RBM43: variants seen among roughly 807,000 people sequenced by gnomAD.
RBM43 encodes RNA binding motif protein 43, also known as RNA-binding protein 43.
Under a neutral mutation model 12.4 loss-of-function variants are expected in RBM43, and 12 were observed. The observed-to-expected ratio is 0.97, with a 90% confidence interval of 0.62 to 1.57. The LOEUF (loss-of-function observed/expected upper bound fraction) is 1.57, where lower values mean the gene tolerates loss of function less well. Ranked by LOEUF, RBM43 falls within the 40% of genes most tolerant of loss-of-function variation. RBM43 has a pLI of 0.00. For missense variants in RBM43, 348 were observed against 400.1 expected, an observed-to-expected ratio of 0.87 and a Z score of 1.11; for synonymous variants, 138 against 145.7, an observed-to-expected ratio of 0.95 and a Z score of 0.38.
chr2:151,248,426 C>T lies in RBM43; in HGVS notation c.*2480G>A, dbSNP rs1240149569. The T allele has an allele frequency of 2.0e-5, 3 of 151,704 alleles. No individual in the cohort carries two copies. The highest frequency in any genetic ancestry group is 2.9e-5 in the Non-Finnish European group (2 of 67,946). 9.4% of individuals were successfully genotyped at this position (151,704 alleles called of 1,614,324 possible). On this transcript the variant is annotated 3_prime_UTR_variant, in exon 4 of 4. Transcript: ENST00000331426. Reference sequence around the variant, plus strand: ...TTATTTAAGTAGTATGTTAGAATAGCTGTTTAGAGAAGGATAAAGAGGGGA... The same window carrying T: ...TTATTTAAGTAGTATGTTAGAATAGTTGTTTAGAGAAGGATAAAGAGGGGA...
Position 151,250,626 on chromosome 2 carries a change from GT to G in RBM43, c.*279del, listed in dbSNP as rs1198114865. On this transcript the variant is annotated 3_prime_UTR_variant, in exon 4 of 4. Coordinates refer to ENST00000331426, the MANE Select transcript of RBM43 (RefSeq NM_198557.3). ...AAAAAAAAAAAAAAAAGTTTGGTGAGTTTTTTTCAAAGTTTTATTCCTTAGA... is the reference window on the plus strand; with the variant it reads ...AAAAAAAAAAAAAAAAGTTTGGTGAGTTTTTTCAAAGTTTTATTCCTTAGA... 4 of 244,562 alleles carry G rather than the reference GT, an allele frequency of 1.6e-5. No homozygotes were observed. The highest frequency in any genetic ancestry group is 3.1e-5 in the Non-Finnish European group (4 of 129,786). 15.1% of individuals were successfully genotyped at this position (244,562 alleles called of 1,614,324 possible). A position where few individuals can be genotyped will look rare whatever the true frequency, so the allele number is the denominator to read the frequency against.
rs376155849 is a variant in RBM43, at chr2:151,257,770, T to C, written c.4-2027A>G. Among the ~76,000 whole-genome samples the C allele has an allele frequency of 5.1e-4, 77 of 150,564 alleles. No homozygotes were observed. The South Asian group carries it at 6.5e-3, about 13-fold the overall frequency. On this transcript the variant is annotated intron_variant, in intron 1 of 3. Coordinates refer to ENST00000331426, the MANE Select transcript of RBM43 (RefSeq NM_198557.3). ...CACAGGAGAGTTCAACAAATGAAGA[T>C]TGAAAACACATGGAAGTGGCCGGGC...
Position 151,250,547 on chromosome 2 carries a change from C to T in RBM43, c.*359G>A, listed in dbSNP as rs539872812. 1.6e-4 allele frequency: 23 copies of T among 145,876 alleles called. No homozygotes were observed. The highest frequency in any genetic ancestry group is 4.6e-4 in the African/African-American group (17 of 37,070). 9.0% of individuals were successfully genotyped at this position (145,876 alleles called of 1,614,324 possible). On this transcript the variant is annotated 3_prime_UTR_variant, in exon 4 of 4. Transcript: ENST00000331426. Reference sequence around the variant, plus strand: ...CCAGGAGGTGGACGTTGCAGTGAGCCGAGATCACGCCACTGCACTCCAGCC... The same window carrying T: ...CCAGGAGGTGGACGTTGCAGTGAGCTGAGATCACGCCACTGCACTCCAGCC...
At position 151,251,468 on chromosome 2, in the gene RBM43, CA is replaced by C. The variant is rs1305223666; in HGVS notation, c.511del (p.Cys171ValfsTer4). ...RLRESLLARA[C>X]SLLEKDRNFT... ...ATTTCTGTCTTTTTCTAAGAGAGAA[CA>C]TGCTCTTGCTAGCAAAGATTCTCTG... On this transcript the variant is annotated frameshift_variant, in exon 4 of 4. Transcript: ENST00000331426. LOFTEE classifies it low-confidence loss of function (END_TRUNC). The C allele has an allele frequency of 6.2e-7, 1 of 1,614,086 alleles. No homozygotes were observed. Among genetic ancestry groups the C allele is most frequent in the Non-Finnish European group, 8.5e-7 (1 of 1,179,922 alleles).
intron 3 of RBM43, 152 bp downstream of exon 3, chr2:151,252,603 C>T (rs1682916506): frequency 2.0e-6 from 1 of 497,070 alleles, no homozygotes; most frequent in African/African-American, 1.9e-5. Context: ...TTTCAAGGGC[C>T]AGGGTTGGCC....
At chr2:151,257,144 T>TAC (rs1682985479) in intron 1 of RBM43, among the ~76,000 whole-genome samples, 1 of 152,316 alleles carries the variant, frequency 6.6e-6, no homozygotes, top group Admixed American at 6.5e-5. Flanking sequence ...TGTCCTAAGC[T>TAC]ACCCAGGGTT....
Position 151,250,706 on chromosome 2 carries a change from A to G in RBM43, c.*200T>C, listed in dbSNP as rs561131562. On this transcript the variant is annotated 3_prime_UTR_variant, in exon 4 of 4. Coordinates refer to ENST00000331426, the MANE Select transcript of RBM43 (RefSeq NM_198557.3). Reference sequence around the variant, plus strand: ...CTAAGCCACAGCCTCATTCTTTGTCAACTGGATAACTTCAGAAAAGTGTTT... The same window carrying G: ...CTAAGCCACAGCCTCATTCTTTGTCGACTGGATAACTTCAGAAAAGTGTTT... The G allele has an allele frequency of 5.8e-4, 272 of 468,940 alleles. 3 individuals carry two copies. The Middle Eastern group carries it at 9.5e-3, about 16-fold the overall frequency. The allele number at this position is 468,940 out of a possible 1,614,324, so 29.0% of individuals were successfully genotyped here. A position where few individuals can be genotyped will look rare whatever the true frequency, so the allele number is the denominator to read the frequency against.
intron 2 of RBM43, 91 bp from the exon 3 acceptor site, chr2:151,252,946 G>A (rs1261438440): frequency 3.5e-6 from 2 of 573,532 alleles, no homozygotes; most frequent in Middle Eastern, 3.5e-4. Context: ...ATAGAAGAAT[G>A]TCTAAGATTT....
In RBM43 at chr2:151,250,925, A is replaced by G. The variant is rs1682891429; in HGVS notation, c.1055T>C (p.Ile352Thr). 4.4e-6 allele frequency: 7 copies of G among 1,595,852 alleles called. No homozygotes were observed. Among genetic ancestry groups the G allele is most frequent in the Admixed American group, 3.5e-5 (2 of 57,220 alleles). Residue 352 changes from isoleucine (I) to threonine (T), a missense_variant, in exon 4 of 4, where the codon ATA becomes ACA. By Grantham distance (89) the Ile-to-Thr change is moderately conservative. Coordinates refer to ENST00000331426, the MANE Select transcript of RBM43 (RefSeq NM_198557.3). Reference protein sequence around the residue: ...YLFKKGVMKLIGQKVS With the variant: ...YLFKKGVMKLTGQKVS ...ATTTTATTAACTAACCTTTTGCCCT[A>G]TTAATTTCATGACCCCTTTTTTAAA...
rs1272767276 is a variant in RBM43 at position 151,249,569 on chromosome 2, G to A, written c.*1337C>T. On this transcript the variant is annotated 3_prime_UTR_variant, in exon 4 of 4. Coordinates refer to ENST00000331426, the MANE Select transcript of RBM43 (RefSeq NM_198557.3). ...CCGGCTAATTTTTGTATTTTTAGTAGAGATGGGGTTTTACCATGTTAGCCA... is the reference window on the plus strand; with the variant it reads ...CCGGCTAATTTTTGTATTTTTAGTAAAGATGGGGTTTTACCATGTTAGCCA... 1 of 152,166 alleles carries A rather than the reference G, an allele frequency of 6.6e-6. No homozygotes were observed. Among genetic ancestry groups the A allele is most frequent in the African/African-American group, 2.4e-5 (1 of 41,352 alleles). 9.4% of individuals were successfully genotyped at this position (152,166 alleles called of 1,614,324 possible).
intron 2 of RBM43, among the ~76,000 whole-genome samples, chr2:151,253,885 T>G (rs1682940566): frequency 6.6e-6 from 1 of 151,838 alleles, no homozygotes; most frequent in Non-Finnish European, 1.5e-5. Context: ...AAATTACCAG[T>G]CCCTCCCTTG....
chr2:151,256,163 T>C (rs1167545331), intron 1 of RBM43, among the ~76,000 whole-genome samples: 4 of 152,200 alleles, frequency 2.6e-5, no homozygotes, highest in East Asian at 3.9e-4. Context: ...GGTTTCACCA[T>C]GTTGGCCAGG....
intron 1 of RBM43, among the ~76,000 whole-genome samples, chr2:151,259,928 C>G (rs1271096113): frequency 6.6e-6 from 1 of 151,524 alleles, no homozygotes; most frequent in South Asian, 2.1e-4. Flanking sequence ...TGCAGTGGCG[C>G]GATCTTGGCT....
intron 1 of RBM43, chr2:151,261,434 G>C: frequency 2.6e-6 from 4 of 1,550,642 alleles, no homozygotes; most frequent in Non-Finnish European, 3.5e-6. Context: ...GGAGGTGACA[G>C]CCTAGTCCTG....
In RBM43 at chr2:151,249,102, A is replaced by C. The variant is rs1268287876; in HGVS notation, c.*1804T>G. 6.6e-6 allele frequency: 1 copy of C among 152,126 alleles called. No individual in the cohort carries two copies. The highest frequency in any genetic ancestry group is 1.5e-5 in the Non-Finnish European group (1 of 68,056). 9.4% of individuals were successfully genotyped at this position (152,126 alleles called of 1,614,324 possible). A position where few individuals can be genotyped will look rare whatever the true frequency, so the allele number is the denominator to read the frequency against. ...GGAGGGAGAAAGGATTACCTGTGAA[A>C]GTGGTGGGGGTGTAGGGGGTTCAAA... On this transcript the variant is annotated 3_prime_UTR_variant, in exon 4 of 4. Transcript: ENST00000331426.
At chr2:151,253,662 G>A (rs1361676458) in intron 2 of RBM43, among the ~76,000 whole-genome samples, 1 of 152,166 alleles carries the variant, frequency 6.6e-6, no homozygotes, top group African/African-American at 2.4e-5. Flanking sequence ...AGAAAAGGCA[G>A]TCCAATCTTG....
At position 151,255,647 on chromosome 2, in the gene RBM43, C is replaced by T. The variant is rs147060862; in HGVS notation, c.100G>A (p.Val34Ile). 1.7e-5 allele frequency: 28 copies of T among 1,613,320 alleles called. No homozygotes were observed. The African/African-American group carries it at 2.5e-4, about 15-fold the overall frequency. ...VDLFSDQLLA[V>I]LVKSHFQDIK... is the part of the protein sequence containing the mutation. ...TCTTGGAAGTGGCTCTTCACTAATA[C>T]GGCCAATAATTGATCACTAAAAAGG... Residue 34 changes from valine to isoleucine, a missense_variant, in exon 2 of 4, where the codon GTA (valine) becomes ATA (isoleucine). By Grantham distance (29) the Val-to-Ile change is conservative. Transcript: ENST00000331426.
intron 2 of RBM43, 91 bp downstream of exon 2, chr2:151,255,442 A>T: frequency 1.1e-6 from 1 of 920,822 alleles, no homozygotes; most frequent in Non-Finnish European, 1.7e-6. Flanking sequence ...TTTAAAATTT[A>T]CCAATTCCGT....
rs771937267 is a variant in RBM43 at position 151,251,547 on chromosome 2, T to C, written c.433A>G (p.Lys145Glu). 3 of 1,614,204 alleles carry C rather than the reference T, an allele frequency of 1.9e-6. No individual in the cohort carries two copies. Among genetic ancestry groups the C allele is most frequent in the Non-Finnish European group, 2.5e-6 (3 of 1,180,028 alleles). The change falls in exon 4 of 4, where the codon AAA becomes GAA. Residue 145 changes from lysine to glutamate, a missense_variant. Coordinates refer to ENST00000331426, the MANE Select transcript of RBM43 (RefSeq NM_198557.3). ...TCCACGGAGATTCTTCCATTGGGTT[T>C]CAAAGGACTGAAGCTTAAACTCGGG... ...KIPSLSFSPL[K>E]PNGRISVEGS...
Sources: gnomAD v4.1 joint callset for allele counts (sites outside exome capture counted in the v4.1 genomes callset) on GRCh38, gnomAD v4.1.1 for gene constraint, MANE v1.5 for transcripts, NCBI Gene and HGNC (gene_info 2026-07-23, HGNC 2026-07-21) for gene names.